Variants in TRIP6 observed in about 807,000 individuals in gnomAD.
The protein encoded by TRIP6 is thyroid receptor-interacting protein 6.
A neutral mutation model predicts 51.9 loss-of-function variants in TRIP6; 33 were observed. That is an observed-to-expected ratio of 0.64 (90% CI 0.48 to 0.85). The LOEUF (loss-of-function observed/expected upper bound fraction) is 0.85, where lower values mean the gene tolerates loss of function less well. TRIP6 is among the 40% of genes least tolerant of loss of function. The pLI is 0.00. For missense variants in TRIP6, 661 were observed against 652.1 expected (o/e 1.01, Z -0.15); for synonymous variants, 255 against 275.8 (o/e 0.92, Z 0.75).
chr7:100,872,020 T>G (rs1302019493), intron 7 of TRIP6, among the ~76,000 whole-genome samples: 2 of 147,068 alleles, frequency 1.4e-5, no homozygotes, highest in East Asian at 4.0e-4. Flanking sequence ...TTCGTTTTTT[T>G]TTTTTTTTTT....
intron 8 of TRIP6, 52 bp from the exon 9 acceptor site, chr7:100,873,120 A>T: frequency 6.3e-7 from 1 of 1,587,532 alleles, no homozygotes. Context: ...AAGTGCTGGG[A>T]TTACAGGCGT....
chr7:100,868,184 C>A lies in TRIP6; in HGVS notation c.314C>A (p.Ala105Asp), dbSNP rs906451766. Reference protein sequence around the residue: ...AEIDLLSSTLAELNGGRGHAS... With the variant: ...AEIDLLSSTLDELNGGRGHAS... Reference sequence around the variant, plus strand: ...ATAGACTTGCTGAGCAGCACGCTGGCCGAGCTGAATGGGGGTCGGGGTCAT... The same window carrying A: ...ATAGACTTGCTGAGCAGCACGCTGGACGAGCTGAATGGGGGTCGGGGTCAT... Residue 105 changes from alanine to aspartate, a missense_variant, in exon 3 of 9, where the codon GCC (alanine) becomes GAC (aspartate). Physicochemically the swap from Ala to Asp is moderately radical, Grantham distance 126. Transcript: ENST00000200457. 51 of 1,609,402 alleles carry A rather than the reference C, an allele frequency of 3.2e-5. No homozygotes were observed. The highest frequency in any genetic ancestry group is 4.2e-5 in the Non-Finnish European group (50 of 1,178,212).
chr7:100,871,858 C>A, intron 7 of TRIP6, 137 bp downstream of exon 7: 1 of 1,176,318 alleles, frequency 8.5e-7, no homozygotes, highest in Non-Finnish European at 1.2e-6. Context: ...TTTTTAGAGA[C>A]GGAGTTTCAC....
chr7:100,873,389 T>G lies in TRIP6; in HGVS notation c.*86T>G. On this transcript the variant is annotated 3_prime_UTR_variant, in exon 9 of 9. Transcript: ENST00000200457. ...CTCCCTGACATCCACCTGTATGACT[T>G]TGTCACCAAATGCTGTCTTCTCTTT... The G allele has an allele frequency of 6.7e-7, 1 of 1,498,424 alleles. No individual in the cohort carries two copies. The highest frequency in any genetic ancestry group is 8.9e-7 in the Non-Finnish European group (1 of 1,123,376). The allele number at this position is 1,498,424 out of a possible 1,614,324, so 92.8% of individuals were successfully genotyped here. A position where few individuals can be genotyped will look rare whatever the true frequency, so the allele number is the denominator to read the frequency against.
At chr7:100,871,485 T>TG in intron 6 of TRIP6, 58 bp from the exon 7 acceptor site, 1 of 1,578,072 alleles carries the variant, frequency 6.3e-7, no homozygotes, top group Non-Finnish European at 8.7e-7. Flanking sequence ...CTGGGGTTCC[T>TG]GTTGAGCTGC....
chr7:100,867,942 G>T lies in TRIP6; in HGVS notation c.191G>T (p.Arg64Leu), dbSNP rs777071077. 4.0e-6 allele frequency: 6 copies of T among 1,514,368 alleles called. No homozygotes were observed. The highest frequency in any genetic ancestry group is 5.3e-6 in the Non-Finnish European group (6 of 1,135,576). The allele number at this position is 1,514,368 out of a possible 1,614,324, so 93.8% of individuals were successfully genotyped here. ...CYQAPGGPED[R>L]GPAWVGSHGV... The stretch of plus-strand genomic sequence containing the variant: ...CAGGCCCCAGGGGGACCGGAGGATC[G>T]GGGGCCGGCGTGGGTGGGGTCCCAT... Residue 64 changes from arginine (R) to leucine (L), a missense_variant, in exon 2 of 9, where the codon CGG (arginine) becomes CTG (leucine). By Grantham distance (102) the Arg-to-Leu change is moderately radical. Coordinates refer to ENST00000200457, the MANE Select transcript of TRIP6 (RefSeq NM_003302.3). The surrounding 1 kb of genome is among the most constrained non-coding windows in gnomAD (Gnocchi z 5.4).
rs143429107 is a variant in TRIP6, at chr7:100,873,311, T to C, written c.*8T>C. On this transcript the variant is annotated 3_prime_UTR_variant, in exon 9 of 9. Coordinates refer to ENST00000200457, the MANE Select transcript of TRIP6 (RefSeq NM_003302.3). ...GTCACCACTGACTGCTGAGTCTTCCTAGAAGTACCTGCTGGGTTCTCAGTT... is the reference window on the plus strand; with the variant it reads ...GTCACCACTGACTGCTGAGTCTTCCCAGAAGTACCTGCTGGGTTCTCAGTT... The C allele has an allele frequency of 1.8e-5, 29 of 1,596,434 alleles. No individual in the cohort carries two copies. The highest frequency in any genetic ancestry group is 8.8e-5 in the South Asian group (8 of 90,696).
chr7:100,867,393 A>T lies in TRIP6; in HGVS notation c.-105A>T. On this transcript the variant is annotated 5_prime_UTR_variant, in exon 1 of 9. The change creates a new upstream start codon in the 5' untranslated region. Transcript: ENST00000200457. This position sits in a 1 kb window ranked among gnomAD's most constrained non-coding sequence, Gnocchi z 5.4. ...AAGAGGAAAAAAAAAAGCCAGAAAA[A>T]GTTTTCTTTTCTGGAGTCCCAAACG... is the stretch of plus-strand genomic sequence containing the variant. The T allele has an allele frequency of 1.2e-6, 1 of 831,240 alleles. No homozygotes were observed. 51.5% of individuals were successfully genotyped at this position (831,240 alleles called of 1,614,324 possible).
rs1347624115 is a variant in TRIP6 at position 100,867,596 on chromosome 7, C to T, written c.99C>T (p.Ala33=). The change falls in exon 1 of 9, where the codon GCC becomes GCT. Residue 33 remains alanine (A), a synonymous_variant. Coordinates refer to ENST00000200457, the MANE Select transcript of TRIP6 (RefSeq NM_003302.3). The surrounding 1 kb of genome is among the most constrained non-coding windows in gnomAD (Gnocchi z 5.4). Reference sequence around the variant, plus strand: ...GCGGCACCCCGGGGCCACCACCGGCCCACGGAGCAGGTAAGGCAGCCCTTG... The same window carrying T: ...GCGGCACCCCGGGGCCACCACCGGCTCACGGAGCAGGTAAGGCAGCCCTTG... The part of the protein sequence containing the change: ...IPRGTPGPPP[A]HGAALQPHPR... 2 of 1,540,110 alleles carry T rather than the reference C, an allele frequency of 1.3e-6. No individual in the cohort carries two copies. Among genetic ancestry groups the T allele is most frequent in the African/African-American group, 2.7e-5 (2 of 72,978 alleles).
chr7:100,873,100 C>A (rs942333637), intron 8 of TRIP6, 72 bp from the exon 9 acceptor site: 3 of 1,559,048 alleles, frequency 1.9e-6, no homozygotes, highest in Non-Finnish European at 2.6e-6. Flanking sequence ...CCTCCTGCCT[C>A]GGCTTCTCAA....
rs112488282 is a variant in TRIP6 at position 100,869,501 on chromosome 7, A to G, written c.735+635A>G. Among the ~76,000 whole-genome samples, 195 of 151,116 alleles carry G rather than the reference A, an allele frequency of 1.3e-3. 1 individual carries two copies. The highest frequency in any genetic ancestry group is 4.5e-3 in the African/African-American group (188 of 41,350). On this transcript the variant is annotated intron_variant, in intron 4 of 8. Transcript: ENST00000200457. ...TACAAAATTAGCCAGGCATGGTGGC[A>G]CATGCCTGTAATCCCAGCTACTCGG...
chr7:100,873,326 G>T lies in TRIP6; in HGVS notation c.*23G>T, dbSNP rs1216214028. 1 of 1,586,468 alleles carries T rather than the reference G, an allele frequency of 6.3e-7. No individual in the cohort carries two copies. Among genetic ancestry groups the T allele is most frequent in the South Asian group, 1.1e-5 (1 of 90,094 alleles). ...TGAGTCTTCCTAGAAGTACCTGCTG[G>T]GTTCTCAGTTCCAGTTCCCATCCTT... is the stretch of plus-strand genomic sequence containing the variant. On this transcript the variant is annotated 3_prime_UTR_variant, in exon 9 of 9. Coordinates refer to ENST00000200457, the MANE Select transcript of TRIP6 (RefSeq NM_003302.3).
chr7:100,871,317 G>A (rs1419586455), intron 6 of TRIP6: 1 of 594,990 alleles, frequency 1.7e-6, no homozygotes, highest in Non-Finnish European at 3.0e-6. Context: ...TTACAGGCGT[G>A]AGCCACTGCA....
At chr7:100,873,118 G>A (rs1815309221) in intron 8 of TRIP6, 54 bp from the exon 9 acceptor site, 4 of 1,582,936 alleles carry the variant, frequency 2.5e-6, no homozygotes, top group Non-Finnish European at 2.6e-6. Context: ...CAAAGTGCTG[G>A]GATTACAGGC....
chr7:100,873,159 T>C lies in TRIP6; in HGVS notation c.1300-13T>C. On this transcript the variant is annotated splice_polypyrimidine_tract_variant and intron_variant, in intron 8 of 8. Transcript: ENST00000200457. ...CCATCGCGCCCGGCCAATTGTTGCT[T>C]CTTTTTCAACAGGAGTGTGGGCTGC... 6 of 1,607,682 alleles carry C rather than the reference T, an allele frequency of 3.7e-6. No individual in the cohort carries two copies. The highest frequency in any genetic ancestry group is 5.1e-6 in the Non-Finnish European group (6 of 1,175,676).
Position 100,872,288 on chromosome 7 carries a change from C to T in TRIP6, c.1179-336C>T, listed in dbSNP as rs1006699990. On this transcript the variant is annotated intron_variant, in intron 7 of 8. Coordinates refer to ENST00000200457, the MANE Select transcript of TRIP6 (RefSeq NM_003302.3). ...GCTCAAGCGATCCACCTGCCTCGGCCGCCCAAAGTGCAGGGATAGCAGGCG... is the reference window on the plus strand; with the variant it reads ...GCTCAAGCGATCCACCTGCCTCGGCTGCCCAAAGTGCAGGGATAGCAGGCG... 3.3e-5 allele frequency among the ~76,000 whole-genome samples: 5 copies of T among 151,716 alleles called. No homozygotes were observed. In the East Asian group the frequency reaches 7.8e-4, roughly 24 times the overall value.
chr7:100,872,612 C>T lies in TRIP6; in HGVS notation c.1179-12C>T, dbSNP rs375505657. 1.2e-6 allele frequency: 2 copies of T among 1,613,784 alleles called. No individual in the cohort carries two copies. The highest frequency in any genetic ancestry group is 1.3e-5 in the African/African-American group (1 of 74,928). ...AAGGCTTGATGGCCTTCTTGGTTCT[C>T]TTCCCCTGCAGGAAGTTTGCCCCAA... On this transcript the variant is annotated splice_polypyrimidine_tract_variant and intron_variant, in intron 7 of 8. Coordinates refer to ENST00000200457, the MANE Select transcript of TRIP6 (RefSeq NM_003302.3).
chr7:100,867,694 C>T lies in TRIP6; in HGVS notation c.109+88C>T. 1.3e-6 allele frequency: 2 copies of T among 1,541,116 alleles called. No homozygotes were observed. Among genetic ancestry groups the T allele is most frequent in the African/African-American group, 1.4e-5 (1 of 72,014 alleles). ...CTCCAGCCTCCCGCCCTGGCTGCTTCCTCCTGCCCCTTCCCCAAGCCGAGG... is the reference window on the plus strand; with the variant it reads ...CTCCAGCCTCCCGCCCTGGCTGCTTTCTCCTGCCCCTTCCCCAAGCCGAGG... On this transcript the variant is annotated intron_variant, in intron 1 of 8. Transcript: ENST00000200457. This position sits in a 1 kb window ranked among gnomAD's most constrained non-coding sequence, Gnocchi z 5.4.
chr7:100,872,071 G>C (rs1474144037), intron 7 of TRIP6, among the ~76,000 whole-genome samples: 1 of 146,874 alleles, frequency 6.8e-6, no homozygotes, highest in Non-Finnish European at 1.5e-5. Context: ...CTGGAGTGCA[G>C]TGGCACGATC....
Sources: gnomAD v4.1 joint callset for allele counts (sites outside exome capture counted in the v4.1 genomes callset) on GRCh38, gnomAD v4.1.1 for gene constraint, Gnocchi (gnomAD v3.1) non-coding constraint, MANE v1.5 for transcripts, NCBI Gene and HGNC (gene_info 2026-07-23, HGNC 2026-07-21) for gene names.